The following PDE11A variants were observed in gnomAD, a reference collection of about 807,000 sequenced individuals.
The protein encoded by PDE11A is phosphodiesterase 11A.
In PDE11A, 100 loss-of-function variants were observed where a neutral mutation model predicts 100.5. The ratio of observed to expected loss-of-function variants is 1.00; its 90% confidence interval spans 0.85 to 1.18. The LOEUF (loss-of-function observed/expected upper bound fraction) is 1.18. Among genes scored for constraint, PDE11A ranks in the 50% most tolerant of loss-of-function variants. The pLI is 0.00. For missense variants in PDE11A, 1,141 were observed against 1,152.6 expected, an observed-to-expected ratio of 0.99 and a Z score of 0.15; for synonymous variants, 381 against 420.8, an observed-to-expected ratio of 0.91 and a Z score of 1.16.
rs183524554 is a variant in PDE11A at position 177,785,703 on chromosome 2, G to A, written c.1738-16330C>T. On this transcript the variant is annotated intron_variant, in intron 9 of 19. Coordinates refer to ENST00000286063, the MANE Select transcript of PDE11A (RefSeq NM_016953.4). ...CACCCTAATACTGCGCTTTTCCGAC[G>A]GGCTTAAAAAACGGCGCACCAGGAG... Among the ~76,000 whole-genome samples the A allele has an allele frequency of 2.7e-3, 404 of 152,296 alleles. 1 individual carries two copies. Among genetic ancestry groups the A allele is most frequent in the African/African-American group, 5.8e-3 (239 of 41,558 alleles).
At chr2:177,986,167 C>T (rs1005204979) in intron 2 of PDE11A, among the ~76,000 whole-genome samples, 4 of 152,166 alleles carry the variant, frequency 2.6e-5, no homozygotes, top group African/African-American at 9.7e-5. Context: ...GTAAAACACA[C>T]CTGTTATCAT....
At chr2:177,653,320 C>A (rs1383025438) in intron 19 of PDE11A, among the ~76,000 whole-genome samples, 1 of 152,186 alleles carries the variant, frequency 6.6e-6, no homozygotes, top group Admixed American at 6.5e-5. Flanking sequence ...CCTGACTTGG[C>A]AGTGGCTACA....
At chr2:177,777,746 A>G (rs370225676) in intron 9 of PDE11A, among the ~76,000 whole-genome samples, 4 of 152,240 alleles carry the variant, frequency 2.6e-5, no homozygotes, top group African/African-American at 9.6e-5. Flanking sequence ...AGGTTATGAG[A>G]GTATTACTAT....
chr2:177,922,863 T>C, intron 2 of PDE11A: 1 of 978,462 alleles, frequency 1.0e-6, no homozygotes, highest in Non-Finnish European at 1.2e-6. Flanking sequence ...AGATTATCCA[T>C]GCCCATGTAC....
At chr2:177,829,847 G>C (rs2083282922) in intron 6 of PDE11A, among the ~76,000 whole-genome samples, 1 of 152,084 alleles carries the variant, frequency 6.6e-6, no homozygotes, top group Admixed American at 6.6e-5. Flanking sequence ...CCTTTCCCTT[G>C]AGTGTGGACA....
chr2:177,673,315 G>C (rs77487294), intron 17 of PDE11A, among the ~76,000 whole-genome samples: 108 of 152,284 alleles, frequency 7.1e-4, no homozygotes, highest in African/African-American at 2.5e-3. Context: ...AGCTAAGAAG[G>C]GTGATGGGAA....
chr2:177,772,277 G>A (rs1416326315), intron 9 of PDE11A, among the ~76,000 whole-genome samples: 1 of 152,084 alleles, frequency 6.6e-6, no homozygotes, highest in Non-Finnish European at 1.5e-5. Context: ...TTTAACCAAG[G>A]AAATATTCTA....
chr2:177,723,880 A>G (rs1270326966), intron 12 of PDE11A, among the ~76,000 whole-genome samples: 1 of 152,166 alleles, frequency 6.6e-6, no homozygotes, highest in Non-Finnish European at 1.5e-5. Flanking sequence ...TTTATTTTAC[A>G]GAATACAAAC....
intron 5 of PDE11A, among the ~76,000 whole-genome samples, chr2:177,845,821 G>T (rs1323090314): frequency 6.6e-6 from 1 of 152,224 alleles, no homozygotes; most frequent in Non-Finnish European, 1.5e-5. Flanking sequence ...TTGCGGTTAG[G>T]GGCTGGAGAC....
intron 6 of PDE11A, among the ~76,000 whole-genome samples, chr2:177,828,970 T>G (rs2083267174): frequency 6.6e-6 from 1 of 151,462 alleles, no homozygotes; most frequent in African/African-American, 2.4e-5. Context: ...TAAGAGGATT[T>G]GTACATGAAA....
chr2:177,801,416 A>G (rs1226291706), intron 9 of PDE11A, among the ~76,000 whole-genome samples: 2 of 152,218 alleles, frequency 1.3e-5, no homozygotes, highest in Non-Finnish European at 2.9e-5. Context: ...GTAGAAGCTC[A>G]ACAAACATTT....
intron 2 of PDE11A, among the ~76,000 whole-genome samples, chr2:177,963,673 C>G (rs1418972265): frequency 1.0e-5 from 1 of 98,122 alleles, no homozygotes; most frequent in Non-Finnish European, 1.9e-5. Context: ...TGAAATCTGT[C>G]TGCAGAAATA....
At chr2:177,936,585 T>A (rs1030978338) in intron 2 of PDE11A, among the ~76,000 whole-genome samples, 8 of 152,298 alleles carry the variant, frequency 5.3e-5, no homozygotes, top group African/African-American at 1.9e-4. Flanking sequence ...TTGAAAACTG[T>A]CTTGGATTGG....
At position 177,896,728 on chromosome 2, in the gene PDE11A, T is replaced by G. The variant is rs1341952230; in HGVS notation, c.1302+1330A>C. Reference sequence around the variant, plus strand: ...CTTATTTCCTCATCTATAAAATTATTATAGGATGATAGTAACACCTACCTT... The same window carrying G: ...CTTATTTCCTCATCTATAAAATTATGATAGGATGATAGTAACACCTACCTT... On this transcript the variant is annotated intron_variant, in intron 4 of 19. Coordinates refer to ENST00000286063, the MANE Select transcript of PDE11A (RefSeq NM_016953.4). Among the ~76,000 whole-genome samples, 5 of 152,198 alleles carry G rather than the reference T, an allele frequency of 3.3e-5. No homozygotes were observed. The East Asian group carries it at 9.6e-4, about 29-fold the overall frequency.
At chr2:177,886,044 T>C (rs1384464874) in intron 4 of PDE11A, among the ~76,000 whole-genome samples, 1 of 152,132 alleles carries the variant, frequency 6.6e-6, no homozygotes, top group Non-Finnish European at 1.5e-5. Context: ...GGACATAAGA[T>C]TAAAATGTCT....
intron 2 of PDE11A, among the ~76,000 whole-genome samples, chr2:177,939,581 T>A (rs867794722): frequency 7.2e-5 from 10 of 139,006 alleles, no homozygotes; most frequent in Admixed American, 2.1e-4. Flanking sequence ...GGAAGGAAGG[T>A]AGGTTGACTC....
chr2:178,065,242 G>A (rs1475856646), intron 1 of PDE11A, among the ~76,000 whole-genome samples: 3 of 152,116 alleles, frequency 2.0e-5, no homozygotes. Context: ...CAAGGACCTT[G>A]TTGACTTTCC....
chr2:177,838,486 G>A (rs76420414), intron 6 of PDE11A, among the ~76,000 whole-genome samples: 11,080 of 152,112 alleles, frequency 0.073, 419 homozygotes, highest in East Asian at 0.14. Context: ...TTAGTCTATC[G>A]TTCCTTCTCC....
chr2:178,071,819 C>G lies in PDE11A; in HGVS notation c.619G>C (p.Glu207Gln). Reference sequence around the variant, plus strand: ...TCATTGGAGATATCTTTGACCAATTCCAGAAAGAACTGACGCTCATTATGC... The same window carrying G: ...TCATTGGAGATATCTTTGACCAATTGCAGAAAGAACTGACGCTCATTATGC... ...KKHNERQFFL[E>Q]LVKDISNDLD... The change falls in exon 1 of 20, where the codon GAA (glutamate) becomes CAA (glutamine). Residue 207 changes from glutamate to glutamine, a missense_variant. Coordinates refer to ENST00000286063, the MANE Select transcript of PDE11A (RefSeq NM_016953.4). 1 of 1,613,976 alleles carries G rather than the reference C, an allele frequency of 6.2e-7. No individual in the cohort carries two copies.
Sources: gnomAD v4.1 joint callset for allele counts (sites outside exome capture counted in the v4.1 genomes callset) on GRCh38, gnomAD v4.1.1 for gene constraint, MANE v1.5 for transcripts, NCBI Gene and HGNC (gene_info 2026-07-23, HGNC 2026-07-21) for gene names.